The following CCDC148 variants were observed in gnomAD, a reference collection of about 807,000 sequenced individuals.
CCDC148 encodes coiled-coil domain containing 148.
Under a neutral mutation model 85.7 loss-of-function variants are expected in CCDC148, and 89 were observed. The ratio of observed to expected loss-of-function variants is 1.04; its 90% confidence interval spans 0.87 to 1.24. The LOEUF (loss-of-function observed/expected upper bound fraction) is 1.24, where lower values mean the gene tolerates loss of function less well. Among genes scored for constraint, CCDC148 ranks in the 50% most tolerant of loss-of-function variants. The pLI is 0.00. For missense variants in CCDC148, 692 were observed against 671.7 expected (o/e 1.03, Z -0.33); for synonymous variants, 230 against 213.9 (o/e 1.08, Z -0.66).
intron 1 of CCDC148, among the ~76,000 whole-genome samples, chr2:158,369,970 G>C (rs991419502): frequency 6.6e-6 from 1 of 152,010 alleles, no homozygotes; most frequent in South Asian, 2.1e-4. Flanking sequence ...GATGAATTAC[G>C]TTTATTAATT....
At chr2:158,304,303 T>C (rs1303646179) in intron 9 of CCDC148, among the ~76,000 whole-genome samples, 1 of 152,144 alleles carries the variant, frequency 6.6e-6, no homozygotes, top group Non-Finnish European at 1.5e-5. Flanking sequence ...TGACTGACAC[T>C]GTCCTAAGTA....
At chr2:158,365,805 T>TA (rs557884857) in intron 1 of CCDC148, among the ~76,000 whole-genome samples, 107 of 151,484 alleles carry the variant, frequency 7.1e-4, no homozygotes, top group East Asian at 2.1e-3. Flanking sequence ...TAAAGTATAA[T>TA]AAAAAAAAGG....
chr2:158,225,081 T>G (rs1193996621), intron 10 of CCDC148, among the ~76,000 whole-genome samples: 1 of 152,122 alleles, frequency 6.6e-6, no homozygotes, highest in Non-Finnish European at 1.5e-5. Context: ...GAGACACACA[T>G]AGGCTCAAAA....
At chr2:158,264,474 G>A (rs1689370069) in intron 9 of CCDC148, among the ~76,000 whole-genome samples, 1 of 152,044 alleles carries the variant, frequency 6.6e-6, no homozygotes, top group East Asian at 1.9e-4. Context: ...ATTCAGCAAT[G>A]AATATTTCAA....
At chr2:158,374,844 T>A (rs967314589) in intron 1 of CCDC148, among the ~76,000 whole-genome samples, 1 of 151,968 alleles carries the variant, frequency 6.6e-6, no homozygotes, top group Non-Finnish European at 1.5e-5. Context: ...CTAAAGTGTC[T>A]CATAGAAAAT....
chr2:158,438,250 T>C (rs9751827), intron 1 of CCDC148, among the ~76,000 whole-genome samples: 13,730 of 152,026 alleles, frequency 0.09, 672 homozygotes, highest in African/African-American at 0.11. Context: ...GTAACCAAAA[T>C]AGCATGGTAC....
chr2:158,233,901 G>A (rs1240066424), intron 10 of CCDC148, among the ~76,000 whole-genome samples: 1 of 152,102 alleles, frequency 6.6e-6, no homozygotes, highest in Non-Finnish European at 1.5e-5. Flanking sequence ...CTTCAGGTTG[G>A]GTGCAGTGGC....
intron 9 of CCDC148, among the ~76,000 whole-genome samples, chr2:158,271,779 T>A (rs1358221595): frequency 1.3e-5 from 2 of 152,150 alleles, no homozygotes; most frequent in Non-Finnish European, 2.9e-5. Context: ...GTATTCCTCA[T>A]GGATAAGGGG....
intron 10 of CCDC148, among the ~76,000 whole-genome samples, chr2:158,227,737 G>T (rs779356396): frequency 6.6e-6 from 1 of 152,164 alleles, no homozygotes; most frequent in Non-Finnish European, 1.5e-5. Context: ...ATCGTGCTGG[G>T]AAAACTGGCT....
At chr2:158,352,846 A>T (rs1683394597) in intron 2 of CCDC148, among the ~76,000 whole-genome samples, 1 of 152,168 alleles carries the variant, frequency 6.6e-6, no homozygotes, top group African/African-American at 2.4e-5. Context: ...GTTACTCTCA[A>T]AGGGAAGCCC....
chr2:158,301,552 C>T (rs899815998), intron 9 of CCDC148, among the ~76,000 whole-genome samples: 9 of 152,062 alleles, frequency 5.9e-5, no homozygotes, highest in Non-Finnish European at 8.8e-5. Flanking sequence ...GGCGGAATCA[C>T]GAGGAGGCTT....
intron 9 of CCDC148, among the ~76,000 whole-genome samples, chr2:158,275,170 G>A (rs1007101409): frequency 1.3e-5 from 2 of 152,184 alleles, no homozygotes; most frequent in Non-Finnish European, 2.9e-5. Context: ...AAATGCCATC[G>A]CTAAGAATCT....
At chr2:158,184,979 T>G (rs1260806539) in intron 11 of CCDC148, among the ~76,000 whole-genome samples, 1 of 152,146 alleles carries the variant, frequency 6.6e-6, no homozygotes, top group African/African-American at 2.4e-5. Flanking sequence ...ATATACAGAT[T>G]AAAAGGACTT....
At chr2:158,378,419 C>T in intron 1 of CCDC148, among the ~76,000 whole-genome samples, 1 of 152,116 alleles carries the variant, frequency 6.6e-6, no homozygotes, top group African/African-American at 2.4e-5. Context: ...CATAAAAATG[C>T]AAGATGGAGC....
chr2:158,346,610 T>C (rs1436846589), intron 2 of CCDC148, among the ~76,000 whole-genome samples: 1 of 152,240 alleles, frequency 6.6e-6, no homozygotes, highest in Non-Finnish European at 1.5e-5. Context: ...CTCTAACTTA[T>C]ACTCATGGGT....
chr2:158,274,962 A>G (rs529272977), intron 9 of CCDC148, among the ~76,000 whole-genome samples: 2 of 152,380 alleles, frequency 1.3e-5, no homozygotes, highest in Admixed American at 6.5e-5. Context: ...CAACAGAGTC[A>G]CACGGATTTA....
intron 3 of CCDC148, among the ~76,000 whole-genome samples, chr2:158,341,826 G>C (rs1000728789): frequency 1.3e-5 from 2 of 150,018 alleles, no homozygotes; most frequent in Non-Finnish European, 3.0e-5. Context: ...AATTTTTCCA[G>C]ATAAGTTTCT....
At chr2:158,319,386 C>G (rs558543676) in intron 7 of CCDC148, among the ~76,000 whole-genome samples, 1 of 152,302 alleles carries the variant, frequency 6.6e-6, no homozygotes, top group Non-Finnish European at 1.5e-5. Flanking sequence ...GACAAAAGAT[C>G]GAATTCTGGC....
intron 9 of CCDC148, among the ~76,000 whole-genome samples, chr2:158,300,336 G>C (rs1691383102): frequency 6.6e-6 from 1 of 152,154 alleles, no homozygotes; most frequent in Admixed American, 6.5e-5. Flanking sequence ...TCTAGGGCAG[G>C]GGTAGGGGGA....
Sources: allele counts gnomAD v4.1 joint callset (sites outside exome capture counted in the v4.1 genomes callset), GRCh38; gene constraint gnomAD v4.1.1; transcripts MANE v1.5; gene names NCBI Gene and HGNC (gene_info 2026-07-23, HGNC 2026-07-21).